MGMT: variants seen among roughly 807,000 people sequenced by gnomAD.
The protein encoded by MGMT is O-6-methylguanine-DNA methyltransferase.
Under a neutral mutation model 15.9 loss-of-function variants are expected in MGMT, and 14 were observed. The observed-to-expected ratio is 0.88, with a 90% CI of 0.58 to 1.37. The LOEUF is 1.37. Among genes scored for constraint, MGMT ranks in the 40% most tolerant of loss-of-function variants. The probability of loss-of-function intolerance (pLI) is 0.00; values close to 1 mark genes in which losing one functional copy is unlikely to be tolerated. For synonymous variants in MGMT, 130 were observed against 118.2 expected (o/e 1.10, Z -0.65); for missense variants, 282 against 268.1 (o/e 1.05, Z -0.36).
At chr10:129,495,452 G>A (rs77059976) in intron 1 of MGMT, among the ~76,000 whole-genome samples, 34 of 152,244 alleles carry the variant, frequency 2.2e-4, no homozygotes, top group Non-Finnish European at 4.6e-4. Context: ...TTACCCCACG[G>A]ATCAGAAGCT....
At chr10:129,687,741 A>G (rs2133125130) in intron 2 of MGMT, among the ~76,000 whole-genome samples, 1 of 150,384 alleles carries the variant, frequency 6.6e-6, no homozygotes, top group South Asian at 2.1e-4. Flanking sequence ...GTACATGTGC[A>G]CAACGTGCAG....
At chr10:129,610,143 G>T (rs1280089540) in intron 2 of MGMT, among the ~76,000 whole-genome samples, 1 of 152,122 alleles carries the variant, frequency 6.6e-6, no homozygotes, top group African/African-American at 2.4e-5. Context: ...CAATATTTGA[G>T]TTAGGATTTT....
At chr10:129,610,515 T>C (rs922314484) in intron 2 of MGMT, among the ~76,000 whole-genome samples, 5 of 152,256 alleles carry the variant, frequency 3.3e-5, no homozygotes, top group Admixed American at 6.5e-5. Context: ...TCCGTCCATA[T>C]GCAATAGCGA....
rs11016851 is a variant in MGMT at position 129,640,190 on chromosome 10, C to T, written c.126-67705C>T. 6.6e-5 allele frequency among the ~76,000 whole-genome samples: 10 copies of T among 151,900 alleles called. No individual in the cohort carries two copies. The East Asian group carries it at 1.6e-3, about 24-fold the overall frequency. ...TTGGCTCACTGCATCCTTCTCCTCC[C>T]GGGTTCAAGTGATTCTTCTGCCTCA... On this transcript the variant is annotated intron_variant, in intron 2 of 4. Transcript: ENST00000651593.
chr10:129,759,263 T>C lies in MGMT; in HGVS notation c.336T>C (p.Ile112=). The C allele has an allele frequency of 1.9e-6, 3 of 1,614,140 alleles. No homozygotes were observed. Among genetic ancestry groups the C allele is most frequent in the Non-Finnish European group, 2.5e-6 (3 of 1,180,046 alleles). Residue 112 remains isoleucine, a synonymous_variant, in exon 4 of 5, where the codon ATT becomes ATC. Transcript: ENST00000651593. ...AGGTTGTGAAATTCGGAGAAGTGAT[T>C]TCTTACCAGCAATTAGCAGCCCTGG... is the stretch of plus-strand genomic sequence containing the variant. ...LLKVVKFGEV[I]SYQQLAALAG...
intron 1 of MGMT, among the ~76,000 whole-genome samples, chr10:129,487,919 G>A (rs1845425775): frequency 1.4e-5 from 2 of 141,264 alleles, no homozygotes; most frequent in African/African-American, 5.5e-5. Context: ...AGGGGTGTGT[G>A]TGTGTGTGTG....
intron 1 of MGMT, among the ~76,000 whole-genome samples, chr10:129,489,848 A>G (rs1223963726): frequency 6.6e-6 from 1 of 151,746 alleles, no homozygotes; most frequent in South Asian, 2.1e-4. Context: ...TGAATATACC[A>G]CATATATATT....
chr10:129,686,066 A>G (rs1437218724), intron 2 of MGMT, among the ~76,000 whole-genome samples: 1 of 152,242 alleles, frequency 6.6e-6, no homozygotes, highest in Non-Finnish European at 1.5e-5. Context: ...AATTATAAAG[A>G]AAATTACTCC....
At chr10:129,488,533 G>A (rs1207037726) in intron 1 of MGMT, among the ~76,000 whole-genome samples, 39 of 152,102 alleles carry the variant, frequency 2.6e-4, no homozygotes, top group Non-Finnish European at 1.5e-5. Flanking sequence ...TCTTTATAGT[G>A]CCTTTTGATG....
intron 2 of MGMT, among the ~76,000 whole-genome samples, chr10:129,600,697 G>T (rs893974282): frequency 6.6e-6 from 1 of 152,298 alleles, no homozygotes; most frequent in Middle Eastern, 3.4e-3. Flanking sequence ...TAGGCTGCCC[G>T]CAAAATGGCC....
intron 2 of MGMT, among the ~76,000 whole-genome samples, chr10:129,706,145 A>G (rs1049804525): frequency 1.3e-5 from 2 of 152,178 alleles, no homozygotes; most frequent in African/African-American, 2.4e-5. Context: ...TCCCGCCCTG[A>G]CACGCACAGT....
At chr10:129,654,995 T>G (rs1158044578) in intron 2 of MGMT, among the ~76,000 whole-genome samples, 2 of 152,200 alleles carry the variant, frequency 1.3e-5, no homozygotes, top group African/African-American at 4.8e-5. Context: ...AGGAAGTGCC[T>G]GTGGAGCAGC....
intron 3 of MGMT, among the ~76,000 whole-genome samples, chr10:129,709,863 C>T (rs569967895): frequency 7.2e-5 from 11 of 152,068 alleles, no homozygotes; most frequent in Non-Finnish European, 1.6e-4. Flanking sequence ...GAGGAGGAGG[C>T]CTCCGCAGCT....
chr10:129,662,345 T>C (rs1342661980), intron 2 of MGMT, among the ~76,000 whole-genome samples: 2 of 152,194 alleles, frequency 1.3e-5, no homozygotes, highest in African/African-American at 2.4e-5. Context: ...CCAGCTCGCC[T>C]GTGACTGAGG....
intron 1 of MGMT, among the ~76,000 whole-genome samples, chr10:129,491,928 A>G (rs931150714): frequency 1.3e-5 from 2 of 151,960 alleles, no homozygotes; most frequent in Non-Finnish European, 2.9e-5. Flanking sequence ...GTGGACATCT[A>G]TTCCTCTGCT....
chr10:129,634,774 A>G (rs1847247248), intron 2 of MGMT, among the ~76,000 whole-genome samples: 1 of 152,140 alleles, frequency 6.6e-6, no homozygotes, highest in Admixed American at 6.5e-5. Context: ...TCGTCTGCTA[A>G]TCTTAACATC....
At chr10:129,755,942 G>C (rs1352253171) in intron 3 of MGMT, among the ~76,000 whole-genome samples, 3 of 152,162 alleles carry the variant, frequency 2.0e-5, no homozygotes, top group Admixed American at 1.3e-4. Flanking sequence ...TTGGAGCTGG[G>C]TTTGGCTGAG....
At chr10:129,648,087 A>G (rs1847417351) in intron 2 of MGMT, among the ~76,000 whole-genome samples, 1 of 152,242 alleles carries the variant, frequency 6.6e-6, no homozygotes, top group Admixed American at 6.5e-5. Context: ...ATAATATAGT[A>G]TATATCAAAA....
intron 2 of MGMT, among the ~76,000 whole-genome samples, chr10:129,667,213 C>G (rs12412853): frequency 0.55 from 83,353 of 151,916 alleles, 23,794 homozygotes; most frequent in African/African-American, 0.72. Context: ...CCCATCTTTT[C>G]CTGCTGCTGC....
Sources: gnomAD v4.1 joint callset for allele counts (sites outside exome capture counted in the v4.1 genomes callset) on GRCh38, gnomAD v4.1.1 for gene constraint, MANE v1.5 for transcripts, NCBI Gene and HGNC (gene_info 2026-07-23, HGNC 2026-07-21) for gene names.